Variants in CSMD1 observed in about 807,000 individuals in gnomAD.
CSMD1 encodes CUB and Sushi multiple domains 1, also known as CUB and sushi domain-containing protein 1.
In CSMD1, 213 loss-of-function variants were observed where a neutral mutation model predicts 417.5. The observed-to-expected ratio is 0.51, with a 90% CI of 0.46 to 0.57. The LOEUF is 0.57. Among genes scored for constraint, CSMD1 ranks in the 20% least tolerant of loss-of-function variants. The pLI is 0.00. For missense variants in CSMD1, 6,923 were observed against 4,529.7 expected (o/e 1.53, Z -15.17); for synonymous variants, 2,862 against 1,736.8 (o/e 1.65, Z -16.11).
chr8:3,965,008 T>G (rs932322626), intron 5 of CSMD1, among the ~76,000 whole-genome samples: 1 of 152,214 alleles, frequency 6.6e-6, no homozygotes, highest in African/African-American at 2.4e-5. Context: ...TTTTTCTGTG[T>G]ATAAAGTAGG....
chr8:4,747,446 A>G (rs1021797835), intron 1 of CSMD1, among the ~76,000 whole-genome samples: 6 of 152,332 alleles, frequency 3.9e-5, no homozygotes, highest in African/African-American at 1.4e-4. Flanking sequence ...TACTTATGTC[A>G]GAGAAAATTT....
chr8:4,179,704 T>C (rs1201284232), intron 3 of CSMD1, among the ~76,000 whole-genome samples: 1 of 151,602 alleles, frequency 6.6e-6, no homozygotes, highest in Non-Finnish European at 1.5e-5. Context: ...ATATCCAGAA[T>C]CTACAATGAA....
At chr8:4,278,825 T>G (rs1796627593) in intron 3 of CSMD1, among the ~76,000 whole-genome samples, 1 of 152,156 alleles carries the variant, frequency 6.6e-6, no homozygotes, top group South Asian at 2.1e-4. Context: ...GCTCTTGGAG[T>G]ATTTATAGGA....
intron 7 of CSMD1, among the ~76,000 whole-genome samples, chr8:3,637,806 G>A (rs1254663597): frequency 6.6e-6 from 1 of 152,182 alleles, no homozygotes; most frequent in South Asian, 2.1e-4. Context: ...CCAGTGGGAA[G>A]TAATTGAATC....
intron 3 of CSMD1, among the ~76,000 whole-genome samples, chr8:4,048,905 T>C (rs887148715): frequency 3.3e-5 from 5 of 152,128 alleles, no homozygotes; most frequent in Non-Finnish European, 5.9e-5. Context: ...AAATAGTCTA[T>C]TTGCTAATTT....
At chr8:3,218,161 A>G (rs1797989738) in intron 29 of CSMD1, among the ~76,000 whole-genome samples, 1 of 152,228 alleles carries the variant, frequency 6.6e-6, no homozygotes, top group African/African-American at 2.4e-5. Context: ...TGATCTGATG[A>G]TAAAAGAAAA....
At chr8:3,769,096 A>G (rs1254456202) in intron 5 of CSMD1, among the ~76,000 whole-genome samples, 2 of 152,246 alleles carry the variant, frequency 1.3e-5, no homozygotes, top group East Asian at 1.9e-4. Context: ...CAAACTAATT[A>G]AAGAGATGAC....
intron 5 of CSMD1, among the ~76,000 whole-genome samples, chr8:3,783,396 C>G (rs1209567376): frequency 6.6e-6 from 1 of 152,222 alleles, no homozygotes; most frequent in Non-Finnish European, 1.5e-5. Context: ...TGGGGTGACC[C>G]ACGGCTGGCA....
At chr8:3,377,350 A>G (rs1449726551) in intron 18 of CSMD1, among the ~76,000 whole-genome samples, 3 of 152,170 alleles carry the variant, frequency 2.0e-5, no homozygotes, top group Non-Finnish European at 4.4e-5. Context: ...TATACTGAGA[A>G]ACATGTTCCA....
At chr8:3,308,265 C>G (rs747489784) in intron 24 of CSMD1, 47 bp downstream of exon 24, 1 of 1,486,354 alleles carries the variant, frequency 6.7e-7, no homozygotes, top group East Asian at 2.3e-5. Flanking sequence ...GTGCAAGCAC[C>G]CTAAGGCCTG....
chr8:4,315,008 C>T (rs974207306), intron 3 of CSMD1, among the ~76,000 whole-genome samples: 2 of 152,110 alleles, frequency 1.3e-5, no homozygotes, highest in Non-Finnish European at 2.9e-5. Context: ...ACAGCCCCAG[C>T]CTGAGAAAAG....
chr8:4,052,631 A>T (rs1420505917), intron 3 of CSMD1, among the ~76,000 whole-genome samples: 1 of 152,186 alleles, frequency 6.6e-6, no homozygotes, highest in African/African-American at 2.4e-5. Flanking sequence ...ATTTCAACCT[A>T]GGCATCTCCT....
chr8:4,637,096 G>A (rs781611295), intron 2 of CSMD1, among the ~76,000 whole-genome samples: 67 of 152,126 alleles, frequency 4.4e-4, no homozygotes, highest in Non-Finnish European at 7.2e-4. Flanking sequence ...TTGCTGTGCT[G>A]TGGAAACTTT....
chr8:4,084,858 A>G lies in CSMD1; in HGVS notation c.416-52759T>C, dbSNP rs528304595. 7.2e-5 allele frequency among the ~76,000 whole-genome samples: 11 copies of G among 152,242 alleles called. No homozygotes were observed. The Middle Eastern group carries it at 0.017, about 235-fold the overall frequency. On this transcript the variant is annotated intron_variant, in intron 3 of 69. Coordinates refer to ENST00000635120, the MANE Select transcript of CSMD1 (RefSeq NM_033225.6). ...TTCCATCTTGAAGAAGAATGACAAAAGCATGGTCTAATGCAAATACATACA... is the reference window on the plus strand; with the variant it reads ...TTCCATCTTGAAGAAGAATGACAAAGGCATGGTCTAATGCAAATACATACA...
intron 1 of CSMD1, among the ~76,000 whole-genome samples, chr8:4,773,289 G>A (rs1429827009): frequency 6.6e-6 from 1 of 152,138 alleles, no homozygotes; most frequent in Non-Finnish European, 1.5e-5. Context: ...TCTACACCAA[G>A]CTAGCAGTTT....
chr8:4,474,910 A>C (rs901906778), intron 2 of CSMD1, among the ~76,000 whole-genome samples: 1 of 152,184 alleles, frequency 6.6e-6, no homozygotes, highest in East Asian at 1.9e-4. Flanking sequence ...AAGACTATAC[A>C]TATAACATAC....
intron 10 of CSMD1, among the ~76,000 whole-genome samples, chr8:3,552,111 C>A (rs763301901): frequency 6.6e-6 from 1 of 152,196 alleles, no homozygotes; most frequent in South Asian, 2.1e-4. Flanking sequence ...AGGAAAAAAT[C>A]TCCTTTACAT....
intron 37 of CSMD1, among the ~76,000 whole-genome samples, chr8:3,180,059 C>T (rs533782540): frequency 6.6e-6 from 1 of 152,284 alleles, no homozygotes; most frequent in South Asian, 2.1e-4. Flanking sequence ...AAAGCTTATC[C>T]ATGTATTTGC....
At chr8:4,821,352 G>C (rs568751568) in intron 1 of CSMD1, among the ~76,000 whole-genome samples, 4 of 152,126 alleles carry the variant, frequency 2.6e-5, no homozygotes, top group African/African-American at 4.8e-5. Flanking sequence ...TATCCAAATA[G>C]TTAAATAGCT....
Sources: gnomAD v4.1 joint callset for allele counts (sites outside exome capture counted in the v4.1 genomes callset) on GRCh38, gnomAD v4.1.1 for gene constraint, MANE v1.5 for transcripts, NCBI Gene and HGNC (gene_info 2026-07-23, HGNC 2026-07-21) for gene names.